Variants in FOXO1 observed in about 807,000 individuals in gnomAD.
FOXO1 encodes the protein forkhead box O1.
A neutral mutation model predicts 44.1 loss-of-function variants in FOXO1; 6 were observed. The ratio of observed to expected loss-of-function variants is 0.14; its 90% confidence interval spans 0.07 to 0.27. FOXO1 has a LOEUF of 0.27. Ranked by LOEUF, FOXO1 falls within the 10% of genes least tolerant of loss-of-function variation. The probability of loss-of-function intolerance (pLI) is 1.00; values close to 1 mark genes in which losing one functional copy is unlikely to be tolerated. For synonymous variants in FOXO1, 380 were observed against 362.7 expected (o/e 1.05, Z -0.54); for missense variants, 737 against 888.8 (o/e 0.83, Z 2.17).
At chr13:40,596,136 A>G (rs1334832271) in intron 1 of FOXO1, among the ~76,000 whole-genome samples, 1 of 152,154 alleles carries the variant, frequency 6.6e-6, no homozygotes, top group Non-Finnish European at 1.5e-5. Context: ...ATGAGACTTC[A>G]GTCTTCTTAT....
chr13:40,618,695 A>T (rs1876505431), intron 1 of FOXO1: 1 of 415,244 alleles, frequency 2.4e-6, no homozygotes, highest in South Asian at 2.0e-5. Context: ...GGCATATGTT[A>T]AAAGCATATT....
At chr13:40,634,511 A>T (rs1322823083) in intron 1 of FOXO1, among the ~76,000 whole-genome samples, 1 of 152,178 alleles carries the variant, frequency 6.6e-6, no homozygotes, top group Non-Finnish European at 1.5e-5. Flanking sequence ...ATTTCTACAA[A>T]AAAAATTTAA....
intron 1 of FOXO1, among the ~76,000 whole-genome samples, chr13:40,590,949 T>C (rs1309767359): frequency 6.6e-6 from 1 of 152,274 alleles, no homozygotes; most frequent in Non-Finnish European, 1.5e-5. Flanking sequence ...CATTTATCAC[T>C]TTCTGGTTTC....
At chr13:40,583,825 A>G (rs1007709570) in intron 1 of FOXO1, among the ~76,000 whole-genome samples, 1 of 152,192 alleles carries the variant, frequency 6.6e-6, no homozygotes, top group African/African-American at 2.4e-5. Context: ...TGGCATTTTT[A>G]ATTTCCTTCA....
At chr13:40,649,369 TG>T (rs1877605427) in intron 1 of FOXO1, among the ~76,000 whole-genome samples, 1 of 152,070 alleles carries the variant, frequency 6.6e-6, no homozygotes, top group East Asian at 1.9e-4. Context: ...AAATGGGGGG[TG>T]GGGAGTATAA....
chr13:40,652,183 A>AT (rs1877707222), intron 1 of FOXO1, among the ~76,000 whole-genome samples: 1 of 152,080 alleles, frequency 6.6e-6, no homozygotes, highest in Non-Finnish European at 1.5e-5. Flanking sequence ...CTGCAAACAG[A>AT]TGAGGTAACT....
chr13:40,610,368 T>C (rs1056961754), intron 1 of FOXO1, among the ~76,000 whole-genome samples: 5 of 152,176 alleles, frequency 3.3e-5, no homozygotes, highest in Non-Finnish European at 7.3e-5. Context: ...GGGTGTTTAG[T>C]GTGTGAGGTT....
At chr13:40,565,396 C>G (rs758649747) in intron 1 of FOXO1, among the ~76,000 whole-genome samples, 2 of 152,206 alleles carry the variant, frequency 1.3e-5, no homozygotes, top group African/African-American at 2.4e-5. Flanking sequence ...AGGCTGCCAC[C>G]CTGCCCTCCA....
intron 1 of FOXO1, among the ~76,000 whole-genome samples, chr13:40,576,888 T>A (rs1391214713): frequency 1.3e-5 from 2 of 152,238 alleles, no homozygotes; most frequent in Non-Finnish European, 2.9e-5. Flanking sequence ...GGTTCTTACA[T>A]TTTGAAGGTT....
intron 1 of FOXO1, among the ~76,000 whole-genome samples, chr13:40,586,892 C>T (rs765027108): frequency 1.3e-5 from 2 of 152,120 alleles, no homozygotes; most frequent in African/African-American, 4.8e-5. Flanking sequence ...AAAGGAGACA[C>T]GTTGAACAAT....
intron 1 of FOXO1, among the ~76,000 whole-genome samples, chr13:40,639,075 T>A (rs528410391): frequency 1.3e-5 from 2 of 152,154 alleles, no homozygotes; most frequent in South Asian, 4.2e-4. Context: ...GTGCCTGTAA[T>A]CCCAGCTACT....
At chr13:40,656,434 C>T (rs1207431587) in intron 1 of FOXO1, among the ~76,000 whole-genome samples, 4 of 152,210 alleles carry the variant, frequency 2.6e-5, no homozygotes, top group African/African-American at 9.6e-5. Flanking sequence ...TTCTTTGAAT[C>T]ACTCTGCTAC....
intron 1 of FOXO1, among the ~76,000 whole-genome samples, chr13:40,573,165 A>G (rs1351973460): frequency 6.6e-6 from 1 of 152,192 alleles, no homozygotes; most frequent in East Asian, 1.9e-4. Context: ...TGAGAGCTGC[A>G]TGTTCATGTC....
chr13:40,660,487 A>C (rs1593419479), intron 1 of FOXO1, among the ~76,000 whole-genome samples: 2 of 152,208 alleles, frequency 1.3e-5, no homozygotes, highest in African/African-American at 4.8e-5. Context: ...CTATCTTAGA[A>C]AGCCTAACAC....
At chr13:40,653,123 C>T (rs1267473048) in intron 1 of FOXO1, among the ~76,000 whole-genome samples, 1 of 152,066 alleles carries the variant, frequency 6.6e-6, no homozygotes, top group Non-Finnish European at 1.5e-5. Flanking sequence ...ACACGCACCA[C>T]CACGCCTGGC....
chr13:40,613,700 C>T (rs1394856046), intron 1 of FOXO1, among the ~76,000 whole-genome samples: 1 of 152,158 alleles, frequency 6.6e-6, no homozygotes, highest in Non-Finnish European at 1.5e-5. Context: ...AAACAGGTCC[C>T]CAAAGAGGAA....
intron 1 of FOXO1, among the ~76,000 whole-genome samples, chr13:40,575,388 T>C (rs530724108): frequency 3.3e-5 from 5 of 152,246 alleles, no homozygotes; most frequent in African/African-American, 1.2e-4. Context: ...CAGTTCATCC[T>C]GCCCAAGTCA....
At chr13:40,594,055 C>T (rs1415441919) in intron 1 of FOXO1, among the ~76,000 whole-genome samples, 1 of 152,128 alleles carries the variant, frequency 6.6e-6, no homozygotes, top group Non-Finnish European at 1.5e-5. Context: ...AAAGATGGGG[C>T]AGTGGGGAGG....
intron 1 of FOXO1, among the ~76,000 whole-genome samples, chr13:40,632,908 T>A (rs1390305786): frequency 8.5e-6 from 1 of 117,514 alleles, no homozygotes; most frequent in African/African-American, 3.3e-5. Flanking sequence ...TGAAACTCCA[T>A]CTCAAAAAAA....
Sources: allele counts gnomAD v4.1 joint callset (sites outside exome capture counted in the v4.1 genomes callset), GRCh38; gene constraint gnomAD v4.1.1; transcripts MANE v1.5; gene names NCBI Gene and HGNC (gene_info 2026-07-23, HGNC 2026-07-21).